Variants in KCNT2 observed in about 807,000 individuals in gnomAD.
The protein encoded by KCNT2 is potassium channel subfamily T member 2.
Under a neutral mutation model 153.8 loss-of-function variants are expected in KCNT2, and 67 were observed. That is an observed-to-expected ratio of 0.44 (90% CI 0.36 to 0.53). KCNT2 has a LOEUF of 0.53. Among genes scored for constraint, KCNT2 ranks in the 20% least tolerant of loss-of-function variants. KCNT2 has a pLI of 0.00. For synonymous variants in KCNT2, 500 were observed against 458.8 expected (o/e 1.09, Z -1.15); for missense variants, 975 against 1,354.8 (o/e 0.72, Z 4.40).
At chr1:196,514,175 A>G (rs1681866630) in intron 1 of KCNT2, among the ~76,000 whole-genome samples, 1 of 152,342 alleles carries the variant, frequency 6.6e-6, no homozygotes, top group South Asian at 2.1e-4. Context: ...GTGTTTTCAG[A>G]ACCCAACACA....
intron 22 of KCNT2, among the ~76,000 whole-genome samples, chr1:196,288,216 T>C (rs994273795): frequency 6.6e-6 from 1 of 152,156 alleles, no homozygotes; most frequent in South Asian, 2.1e-4. Flanking sequence ...TTTAAGTATA[T>C]GGGTTGAATG....
intron 1 of KCNT2, among the ~76,000 whole-genome samples, chr1:196,570,166 C>A (rs1660614696): frequency 6.6e-6 from 1 of 151,000 alleles, no homozygotes; most frequent in Non-Finnish European, 1.5e-5. Flanking sequence ...ACACTTCATT[C>A]CACTAAAAGC....
At chr1:196,504,905 G>C (rs1242268215) in intron 1 of KCNT2, among the ~76,000 whole-genome samples, 2 of 152,116 alleles carry the variant, frequency 1.3e-5, no homozygotes, top group Non-Finnish European at 1.5e-5. Flanking sequence ...ATCTGTTCAT[G>C]TCCTTTGCCC....
At chr1:196,522,312 T>C (rs376335227) in intron 1 of KCNT2, among the ~76,000 whole-genome samples, 1 of 152,180 alleles carries the variant, frequency 6.6e-6, no homozygotes, top group Non-Finnish European at 1.5e-5. Context: ...ACAAACTAGA[T>C]AGAAGTGATG....
chr1:196,379,346 A>C (rs1293618434), intron 13 of KCNT2, among the ~76,000 whole-genome samples: 1 of 152,032 alleles, frequency 6.6e-6, no homozygotes, highest in Admixed American at 6.6e-5. Context: ...GGAGGCGGGC[A>C]CATCATCTGA....
intron 1 of KCNT2, among the ~76,000 whole-genome samples, chr1:196,554,956 C>A (rs1658451075): frequency 6.6e-6 from 1 of 151,110 alleles, no homozygotes; most frequent in Admixed American, 6.6e-5. Context: ...GATAAAAACT[C>A]TTAAAAAACT....
intron 1 of KCNT2, among the ~76,000 whole-genome samples, chr1:196,505,400 G>A (rs920587930): frequency 3.9e-5 from 6 of 152,042 alleles, no homozygotes; most frequent in Non-Finnish European, 2.9e-5. Context: ...TTGTAGATAT[G>A]AGGCATTATT....
chr1:196,540,478 A>G (rs1656205679), intron 1 of KCNT2, among the ~76,000 whole-genome samples: 1 of 152,208 alleles, frequency 6.6e-6, no homozygotes. Context: ...AAAATTATGC[A>G]ATGCAAAATA....
chr1:196,492,525 C>T (rs1679937221), intron 1 of KCNT2, among the ~76,000 whole-genome samples, 184 bp from the exon 2 acceptor site: 1 of 152,004 alleles, frequency 6.6e-6, no homozygotes, highest in Admixed American at 6.6e-5. Context: ...AAAATGAGAA[C>T]TGAGTAAAGT....
intron 13 of KCNT2, among the ~76,000 whole-genome samples, chr1:196,379,302 G>A (rs1166942746): frequency 6.6e-6 from 1 of 152,086 alleles, no homozygotes; most frequent in Non-Finnish European, 1.5e-5. Context: ...AGGGTGTGGT[G>A]GTTCATGCCT....
At chr1:196,604,197 TA>T (rs1665059397) in intron 1 of KCNT2, among the ~76,000 whole-genome samples, 1 of 152,204 alleles carries the variant, frequency 6.6e-6, no homozygotes, top group Admixed American at 6.5e-5. Context: ...TTGACAGTAT[TA>T]AAATGGAAAT....
At chr1:196,291,484 G>A (rs1001457416) in intron 22 of KCNT2, among the ~76,000 whole-genome samples, 17 of 151,882 alleles carry the variant, frequency 1.1e-4, no homozygotes, top group Non-Finnish European at 1.5e-5. Flanking sequence ...GGACAATGAA[G>A]AATTTGGATT....
intron 8 of KCNT2, among the ~76,000 whole-genome samples, chr1:196,447,239 A>G (rs565562680): frequency 6.6e-6 from 1 of 151,788 alleles, no homozygotes; most frequent in Non-Finnish European, 1.5e-5. Context: ...AATGGAAAAC[A>G]TGTATTACAG....
chr1:196,437,326 A>G (rs1403483208), intron 8 of KCNT2, among the ~76,000 whole-genome samples: 2 of 135,822 alleles, frequency 1.5e-5, no homozygotes, highest in East Asian at 2.1e-4. Context: ...TTATATACAT[A>G]AACATATTTT....
chr1:196,276,116 T>C (rs1658544893), intron 25 of KCNT2, among the ~76,000 whole-genome samples: 1 of 152,052 alleles, frequency 6.6e-6, no homozygotes. Context: ...TTTTATCTAT[T>C]GACTTCTCAC....
chr1:196,247,401 C>T lies in KCNT2; in HGVS notation c.3211+10793G>A, dbSNP rs114838571. On this transcript the variant is annotated intron_variant, in intron 26 of 27. Coordinates refer to ENST00000294725, the MANE Select transcript of KCNT2 (RefSeq NM_198503.5). Reference sequence around the variant, plus strand: ...AGACAGAAAATCAGCAAGGAAATGTCAGACTTAATCCTTGCTATAGACCAA... The same window carrying T: ...AGACAGAAAATCAGCAAGGAAATGTTAGACTTAATCCTTGCTATAGACCAA... 7.7e-3 allele frequency among the ~76,000 whole-genome samples: 1,175 copies of T among 152,244 alleles called. 9 individuals carry two copies. The highest frequency in any genetic ancestry group is 0.027 in the African/African-American group (1,131 of 41,548).
intron 25 of KCNT2, among the ~76,000 whole-genome samples, chr1:196,272,850 A>G (rs1658196749): frequency 6.6e-6 from 1 of 151,882 alleles, no homozygotes; most frequent in South Asian, 2.1e-4. Context: ...TGGGAAGATG[A>G]TGGTTAAAGA....
intron 1 of KCNT2, among the ~76,000 whole-genome samples, chr1:196,500,117 C>T (rs1680555967): frequency 6.7e-6 from 1 of 148,762 alleles, no homozygotes; most frequent in Non-Finnish European, 1.5e-5. Context: ...GCACTCCAGC[C>T]TGGGTGATAG....
At chr1:196,284,967 G>A (rs1039560223) in intron 23 of KCNT2, among the ~76,000 whole-genome samples, 7 of 152,092 alleles carry the variant, frequency 4.6e-5, no homozygotes, top group Non-Finnish European at 7.4e-5. Context: ...AAAACTCTAC[G>A]AATATTTCTT....
Sources: gnomAD v4.1 joint callset for allele counts (sites outside exome capture counted in the v4.1 genomes callset) on GRCh38, gnomAD v4.1.1 for gene constraint, MANE v1.5 for transcripts, NCBI Gene and HGNC (gene_info 2026-07-23, HGNC 2026-07-21) for gene names.